Variants in CRISPLD2 observed in about 807,000 individuals in gnomAD.
The protein encoded by CRISPLD2 is cysteine rich secretory protein LCCL domain containing 2, also known as cysteine-rich secretory protein LCCL domain-containing 2.
In CRISPLD2, 47 loss-of-function variants were observed where a neutral mutation model predicts 71.1. The observed-to-expected ratio is 0.66, with a 90% CI of 0.52 to 0.84. The LOEUF is 0.84. Among genes scored for constraint, CRISPLD2 ranks in the 40% least tolerant of loss-of-function variants. CRISPLD2 has a pLI of 0.00. For missense variants in CRISPLD2, 830 were observed against 651.1 expected (o/e 1.27, Z -2.99); for synonymous variants, 317 against 250.1 (o/e 1.27, Z -2.52).
chr16:84,853,355 C>T (rs1008040194), intron 5 of CRISPLD2, among the ~76,000 whole-genome samples: 2 of 152,298 alleles, frequency 1.3e-5, no homozygotes, highest in South Asian at 2.1e-4. Context: ...CGAAGACCCC[C>T]GGGGATCTGA....
intron 10 of CRISPLD2, chr16:84,873,650 G>T: frequency 5.4e-6 from 2 of 367,078 alleles, no homozygotes; most frequent in Non-Finnish European, 4.8e-6. Flanking sequence ...GCTGTGGTTA[G>T]ATTAAATTTA....
At chr16:84,877,561 CT>C in intron 12 of CRISPLD2, 51 bp downstream of exon 12, 1 of 1,577,020 alleles carries the variant, frequency 6.3e-7, no homozygotes. Flanking sequence ...TTAGAAGTAG[CT>C]TTTTAGGCTG....
chr16:84,848,555 C>T (rs1916980397), intron 3 of CRISPLD2, among the ~76,000 whole-genome samples: 1 of 151,928 alleles, frequency 6.6e-6, no homozygotes, highest in Non-Finnish European at 1.5e-5. Flanking sequence ...TGTCCAGGGA[C>T]AGGTGCAGCT....
At chr16:84,874,431 CT>C (rs755613934) in intron 11 of CRISPLD2, among the ~76,000 whole-genome samples, 1 of 152,172 alleles carries the variant, frequency 6.6e-6, no homozygotes, top group African/African-American at 2.4e-5. Context: ...TCTGGCCCAG[CT>C]TTTTACATTG....
In CRISPLD2 at chr16:84,882,593, C is replaced by T. The variant is rs145968357; in HGVS notation, c.1305+2009C>T. Among the ~76,000 whole-genome samples the T allele has an allele frequency of 3.9e-3, 592 of 152,166 alleles. 4 individuals carry two copies. The highest frequency in any genetic ancestry group is 0.013 in the African/African-American group (556 of 41,518). ...CTAATTTTTGTATTTTTAGTAGAGACGGGGTTTCACCATGTTGGCCAGGCT... is the reference window on the plus strand; with the variant it reads ...CTAATTTTTGTATTTTTAGTAGAGATGGGGTTTCACCATGTTGGCCAGGCT... On this transcript the variant is annotated intron_variant, in intron 13 of 14. Transcript: ENST00000262424.
intron 11 of CRISPLD2, among the ~76,000 whole-genome samples, chr16:84,874,686 A>G (rs1374298698): frequency 2.0e-5 from 3 of 152,174 alleles, no homozygotes; most frequent in Non-Finnish European, 4.4e-5. Flanking sequence ...TATCTTTATT[A>G]AAATATGTAG....
At chr16:84,849,892 AT>A (rs67724936) in intron 4 of CRISPLD2, among the ~76,000 whole-genome samples, 83,133 of 129,942 alleles carry the variant, frequency 0.64, 26,518 homozygotes, top group Middle Eastern at 0.81. Context: ...TAATTTTTGT[AT>A]TTTTTTTTTT....
chr16:84,902,656 T>G (rs921099006), intron 14 of CRISPLD2, among the ~76,000 whole-genome samples: 2 of 151,748 alleles, frequency 1.3e-5, no homozygotes, highest in African/African-American at 4.8e-5. Context: ...CCCAGTTACT[T>G]TTCTTGTAGG....
intron 11 of CRISPLD2, among the ~76,000 whole-genome samples, chr16:84,877,051 A>G (rs2244455): frequency 0.47 from 71,409 of 152,014 alleles, 19,430 homozygotes; most frequent in African/African-American, 0.75. Context: ...AGTCCTGGGA[A>G]GGGCACTCTG....
At chr16:84,856,472 T>G in intron 6 of CRISPLD2, among the ~76,000 whole-genome samples, 1 of 152,080 alleles carries the variant, frequency 6.6e-6, no homozygotes, top group East Asian at 1.9e-4. Flanking sequence ...GTGGCAGCGT[T>G]CCTCCCTCTG....
chr16:84,824,875 C>T (rs1179916696), intron 1 of CRISPLD2, among the ~76,000 whole-genome samples: 2 of 151,840 alleles, frequency 1.3e-5, no homozygotes, highest in African/African-American at 2.4e-5. Flanking sequence ...GAGGCTGAGA[C>T]GGTGGATCAC....
chr16:84,859,205 C>A (rs1261437483), intron 6 of CRISPLD2, among the ~76,000 whole-genome samples: 2 of 152,152 alleles, frequency 1.3e-5, no homozygotes, highest in Non-Finnish European at 2.9e-5. Flanking sequence ...TATGTCTATG[C>A]CAATTATGCA....
In CRISPLD2 at chr16:84,854,827, G is replaced by A. The variant is rs761262421; in HGVS notation, c.707G>A (p.Arg236Gln). The A allele has an allele frequency of 8.7e-6, 14 of 1,612,950 alleles. No homozygotes were observed. Among genetic ancestry groups the A allele is most frequent in the Admixed American group, 5.0e-5 (3 of 60,000 alleles). ...GGSCRNNLCY[R>Q]EETYTPKPET... ...AGCTGCAGGAACAACTTGTGTTACC[G>A]AGGTAGGAAATTTACTCCCAACACT... is the stretch of plus-strand genomic sequence containing the variant. Residue 236 changes from arginine (R) to glutamine (Q), a missense_variant and splice_region_variant, in exon 6 of 15, where the codon CGA (arginine) becomes CAA (glutamine). Arg to Gln is a conservative substitution (Grantham distance 43). Transcript: ENST00000262424.
intron 6 of CRISPLD2, among the ~76,000 whole-genome samples, chr16:84,865,761 C>T (rs1438567387): frequency 2.0e-5 from 3 of 152,100 alleles, no homozygotes; most frequent in African/African-American, 7.2e-5. Context: ...ATCCTGGTGG[C>T]CTGATTGCAG....
intron 1 of CRISPLD2, among the ~76,000 whole-genome samples, chr16:84,833,756 C>T (rs1440474321): frequency 6.6e-6 from 1 of 152,122 alleles, no homozygotes; most frequent in African/African-American, 2.4e-5. Context: ...TGGAACGTCA[C>T]CATGATGCGA....
intron 6 of CRISPLD2, among the ~76,000 whole-genome samples, chr16:84,857,057 G>C (rs1257850768): frequency 6.6e-6 from 1 of 152,230 alleles, no homozygotes; most frequent in Non-Finnish European, 1.5e-5. Context: ...CCTGCCACCA[G>C]GTAGCTGGCT....
At chr16:84,884,811 A>T (rs1053918312) in intron 13 of CRISPLD2, among the ~76,000 whole-genome samples, 2 of 152,178 alleles carry the variant, frequency 1.3e-5, no homozygotes, top group Non-Finnish European at 2.9e-5. Context: ...GAAATCCTCC[A>T]GGGACTGAGT....
intron 13 of CRISPLD2, among the ~76,000 whole-genome samples, chr16:84,881,312 A>G (rs77448583): frequency 1.2e-4 from 18 of 152,270 alleles, no homozygotes; most frequent in African/African-American, 3.9e-4. Context: ...ACCCTAATTT[A>G]CTGCTTGTTG....
intron 14 of CRISPLD2, among the ~76,000 whole-genome samples, chr16:84,901,693 G>T (rs2071755612): frequency 6.7e-6 from 1 of 148,824 alleles, no homozygotes; most frequent in Non-Finnish European, 1.5e-5. Context: ...GGCCAGGCTG[G>T]TCTTGAACTC....
Sources: gnomAD v4.1 joint callset for allele counts (sites outside exome capture counted in the v4.1 genomes callset) on GRCh38, gnomAD v4.1.1 for gene constraint, MANE v1.5 for transcripts, NCBI Gene and HGNC (gene_info 2026-07-23, HGNC 2026-07-21) for gene names.